Variants in F10 observed in about 807,000 individuals in gnomAD.
F10 encodes the protein Stuart-Prower factor.
F10 carries 29 observed loss-of-function variants against 37.1 expected under a neutral mutation model. The ratio of observed to expected loss-of-function variants is 0.78; its 90% CI spans 0.58 to 1.07. F10 has a LOEUF of 1.07. Ranked by LOEUF, F10 falls within the 50% of genes least tolerant of loss-of-function variation. F10 has a pLI of 0.00. For missense variants in F10, 539 were observed against 667.9 expected, an observed-to-expected ratio of 0.81 and a Z score of 2.13; for synonymous variants, 262 against 268.6, an observed-to-expected ratio of 0.98 and a Z score of 0.24.
Position 113,129,545 on chromosome 13 carries a change from G to C in F10, c.164G>C (p.Arg55Thr). ...GAGATGAAGAAAGGACACCTCGAAA[G>C]AGAGTGCATGGAAGAGACCTGCTCA... ...LEEMKKGHLE[R>T]ECMEETCSYE... The change falls in exon 2 of 8, where the codon AGA (arginine) becomes ACA (threonine). Residue 55 changes from arginine to threonine, a missense_variant. By Grantham distance (71) the Arg-to-Thr change is moderately conservative. Around this residue, in one of 2 missense-constraint regions of F10, gnomAD observed 130 missense variants for 120.0 expected, o/e 1.08. Coordinates refer to ENST00000375559, the MANE Select transcript of F10 (RefSeq NM_000504.4). 6.2e-7 allele frequency: 1 copy of C among 1,614,226 alleles called. No individual in the cohort carries two copies. Among genetic ancestry groups the C allele is most frequent in the South Asian group, 1.1e-5 (1 of 91,090 alleles).
At chr13:113,130,025 G>A (rs2036415350) in intron 2 of F10, 1 of 332,350 alleles carries the variant, frequency 3.0e-6, no homozygotes, top group Non-Finnish European at 5.9e-6. Flanking sequence ...CGTAGTCGCT[G>A]AGAGCCACAG....
In F10 at chr13:113,135,512, A is replaced by G. The variant is rs143538390; in HGVS notation, c.232-2945A>G. On this transcript the variant is annotated intron_variant, in intron 2 of 7. Coordinates refer to ENST00000375559, the MANE Select transcript of F10 (RefSeq NM_000504.4). ...GACAGAAGGCAGAAGCACAGAAGGG[A>G]CAAACACTGTGTGAAGCCTCTTTTA... is the stretch of plus-strand genomic sequence containing the variant. Among the ~76,000 whole-genome samples the G allele has an allele frequency of 6.6e-5, 10 of 152,310 alleles. No individual in the cohort carries two copies. In the East Asian group the frequency reaches 1.7e-3, roughly 26 times the overall value.
At chr13:113,124,741 G>C (rs149772167) in intron 1 of F10, among the ~76,000 whole-genome samples, 1 of 152,350 alleles carries the variant, frequency 6.6e-6, no homozygotes, top group African/African-American at 2.4e-5. Flanking sequence ...TCCTTTGCTG[G>C]TACTGCTACA....
intron 1 of F10, among the ~76,000 whole-genome samples, chr13:113,126,171 G>A (rs888531358): frequency 1.2e-4 from 19 of 152,256 alleles, no homozygotes; most frequent in Middle Eastern, 3.4e-3. Context: ...GGAAGACCCT[G>A]GGCTCTGTTC....
At chr13:113,147,750 G>A (rs947178398) in intron 7 of F10, among the ~76,000 whole-genome samples, 3 of 152,160 alleles carry the variant, frequency 2.0e-5, no homozygotes, top group African/African-American at 7.2e-5. Flanking sequence ...TCGGGTCTCC[G>A]AGTCTCTGGG....
chr13:113,148,332 A>AAAAAG (rs2036600847), intron 7 of F10, among the ~76,000 whole-genome samples: 1 of 102,654 alleles, frequency 9.7e-6, no homozygotes, highest in African/African-American at 4.3e-5. Context: ...CTCTGTCTCA[A>AAAAAG]AAAAAAAAAA....
intron 2 of F10, 82 bp downstream of exon 2, chr13:113,129,694 G>T: frequency 6.3e-7 from 1 of 1,583,088 alleles, no homozygotes; most frequent in Non-Finnish European, 8.7e-7. Flanking sequence ...CGTCCATCCA[G>T]GGGGGCGGCC....
At chr13:113,138,153 G>A (rs3211765) in intron 2 of F10, among the ~76,000 whole-genome samples, 2,476 of 152,266 alleles carry the variant, frequency 0.016, 67 homozygotes, top group African/African-American at 0.057. Context: ...TGACCAGCTC[G>A]GGAGTAGCAA....
chr13:113,143,720 G>T lies in F10; in HGVS notation c.503-131G>T. 7.0e-7 allele frequency: 1 copy of T among 1,419,316 alleles called. No homozygotes were observed. The highest frequency in any genetic ancestry group is 9.6e-7 in the Non-Finnish European group (1 of 1,042,500). 87.9% of individuals were successfully genotyped at this position (1,419,316 alleles called of 1,614,324 possible). A position where few individuals can be genotyped will look rare whatever the true frequency, so the allele number is the denominator to read the frequency against. ...GACGACGTGGGGCCTCGCCCTGCAAGCCCGCTGCCCCTCCGGGTGCCCCTG... is the reference window on the plus strand; with the variant it reads ...GACGACGTGGGGCCTCGCCCTGCAATCCCGCTGCCCCTCCGGGTGCCCCTG... On this transcript the variant is annotated intron_variant, in intron 5 of 7. Coordinates refer to ENST00000375559, the MANE Select transcript of F10 (RefSeq NM_000504.4). This position sits in a 1 kb window ranked among gnomAD's most constrained non-coding sequence, Gnocchi z 6.8.
In F10 at chr13:113,143,893, G is replaced by C; in HGVS notation, c.545G>C (p.Arg182Thr). The C allele has an allele frequency of 1.2e-6, 2 of 1,613,238 alleles. No individual in the cohort carries two copies. Among genetic ancestry groups the C allele is most frequent in the Non-Finnish European group, 1.7e-6 (2 of 1,179,994 alleles). ...AAACAGACCCTGGAACGCAGGAAGA[G>C]GTCAGTGGCCCAGGCCACCAGCAGC... Reference protein sequence around the residue: ...CGKQTLERRKRSVAQATSSSG... With the variant: ...CGKQTLERRKTSVAQATSSSG... The change falls in exon 6 of 8, where the codon AGG becomes ACG. Residue 182 changes from arginine to threonine, a missense_variant. By Grantham distance (71) the Arg-to-Thr change is moderately conservative. This residue lies in a region of F10 where 409 missense variants were observed against 547.9 expected (regional missense o/e 0.75). Coordinates refer to ENST00000375559, the MANE Select transcript of F10 (RefSeq NM_000504.4). The surrounding 1 kb of genome is among the most constrained non-coding windows in gnomAD (Gnocchi z 6.8).
chr13:113,129,832 G>T (rs1015680452), intron 2 of F10, among the ~76,000 whole-genome samples: 2 of 152,248 alleles, frequency 1.3e-5, no homozygotes, highest in Non-Finnish European at 2.9e-5. Flanking sequence ...CGAGGACTCA[G>T]CGGGGAGGGA....
At chr13:113,129,972 T>G (rs1347989468) in intron 2 of F10, 2 of 347,066 alleles carry the variant, frequency 5.8e-6, no homozygotes, top group Non-Finnish European at 5.7e-6. Flanking sequence ...TGAGCTGAGA[T>G]CGTGCCCTCC....
chr13:113,123,301 G>T (rs1380835053), intron 1 of F10, among the ~76,000 whole-genome samples: 1 of 152,210 alleles, frequency 6.6e-6, no homozygotes, highest in African/African-American at 2.4e-5. Flanking sequence ...AGACAGGACA[G>T]TTAGCCATCT....
At position 113,146,017 on chromosome 13, in the gene F10, A is replaced by C. The variant is rs1391855613; in HGVS notation, c.748-1362A>C. Among the ~76,000 whole-genome samples, 2 of 152,216 alleles carry C rather than the reference A, an allele frequency of 1.3e-5. No homozygotes were observed. Among genetic ancestry groups the C allele is most frequent in the Non-Finnish European group, 2.9e-5 (2 of 68,034 alleles). On this transcript the variant is annotated intron_variant, in intron 6 of 7. Coordinates refer to ENST00000375559, the MANE Select transcript of F10 (RefSeq NM_000504.4). The surrounding 1 kb of genome is among the most constrained non-coding windows in gnomAD (Gnocchi z 4.5). ...AACCAGAATGTCCTCTCCTACAAGC[A>C]AGAATCTCAGAGCTGCCAGCGCCCC...
intron 2 of F10, among the ~76,000 whole-genome samples, chr13:113,132,244 T>C (rs2036441603): frequency 6.6e-6 from 1 of 152,234 alleles, no homozygotes; most frequent in African/African-American, 2.4e-5. Flanking sequence ...TATATACATA[T>C]ATTTTTTTCC....
intron 1 of F10, among the ~76,000 whole-genome samples, chr13:113,126,969 G>GCAGACA (rs1566914756): frequency 6.6e-6 from 1 of 152,238 alleles, no homozygotes; most frequent in African/African-American, 2.4e-5. Flanking sequence ...TGGGAGTGGA[G>GCAGACA]CAGACACGCA....
At chr13:113,126,498 C>T (rs894727233) in intron 1 of F10, among the ~76,000 whole-genome samples, 5 of 152,086 alleles carry the variant, frequency 3.3e-5, no homozygotes, top group African/African-American at 1.2e-4. Flanking sequence ...TCAGAGGAGG[C>T]GCAAGGGATC....
chr13:113,139,564 CTT>C lies in F10; in HGVS notation c.370+95_370+96del. On this transcript the variant is annotated intron_variant, in intron 4 of 7. Transcript: ENST00000375559. The surrounding 1 kb of genome is among the most constrained non-coding windows in gnomAD (Gnocchi z 5.2). ...AAGTGAAAACGCCTAATGAAACAAT[CTT>C]AAGTCATTTCTGATTTACAAAGTCT... 2.2e-6 allele frequency: 2 copies of C among 909,432 alleles called. No individual in the cohort carries two copies. The highest frequency in any genetic ancestry group is 3.9e-5 in the Admixed American group (2 of 51,308). 56.3% of individuals were successfully genotyped at this position (909,432 alleles called of 1,614,324 possible). A position where few individuals can be genotyped will look rare whatever the true frequency, so the allele number is the denominator to read the frequency against.
rs149972574 is a variant in F10 at position 113,122,862 on chromosome 13, C to T, written c.7C>T (p.Arg3Cys). ...CACAGTACTCGGCCACACCATGGGGCGCCCACTGCACCTCGTCCTGCTCAG... is the reference window on the plus strand; with the variant it reads ...CACAGTACTCGGCCACACCATGGGGTGCCCACTGCACCTCGTCCTGCTCAG... The part of the protein sequence containing the change: MG[R>C]PLHLVLLSAS... Residue 3 changes from arginine (R) to cysteine (C), a missense_variant, in exon 1 of 8, where the codon CGC becomes TGC. Arg to Cys is a radical substitution (Grantham distance 180, BLOSUM62 -3). Transcript: ENST00000375559. 2.9e-5 allele frequency: 46 copies of T among 1,610,466 alleles called. No homozygotes were observed. The highest frequency in any genetic ancestry group is 1.6e-4 in the African/African-American group (12 of 75,078).
Sources: gnomAD v4.1 joint callset for allele counts (sites outside exome capture counted in the v4.1 genomes callset) on GRCh38, gnomAD v4.1.1 for gene constraint, gnomAD v4.1.1 regional missense constraint, Gnocchi (gnomAD v3.1) non-coding constraint, MANE v1.5 for transcripts, NCBI Gene and HGNC (gene_info 2026-07-23, HGNC 2026-07-21) for gene names.